The following FAM120AOS variants were observed in gnomAD, a reference collection of about 807,000 sequenced individuals.
FAM120AOS encodes the protein uncharacterized protein FAM120AOS.
Under a neutral mutation model 20.2 loss-of-function variants are expected in FAM120AOS, and 15 were observed. That is an observed-to-expected ratio of 0.74 (90% confidence interval 0.50 to 1.15). FAM120AOS has a LOEUF of 1.15. Among genes scored for constraint, FAM120AOS ranks in the 50% most tolerant of loss-of-function variants. FAM120AOS has a pLI of 0.00. For synonymous variants in FAM120AOS, 154 were observed against 154.0 expected (o/e 1.00, Z 0.00); for missense variants, 327 against 351.9 (o/e 0.93, Z 0.57).
At chr9:93,451,468 C>A (rs1178308047) in intron 1 of FAM120AOS, 2 of 1,118,872 alleles carry the variant, frequency 1.8e-6, no homozygotes, top group East Asian at 5.4e-5. Context: ...GGCCTCCAGG[C>A]GCTGCCTGCT....
chr9:93,452,258 G>A lies in FAM120AOS; in HGVS notation c.452C>T (p.Ser151Leu), dbSNP rs2131163672. 1 of 1,610,604 alleles carries A rather than the reference G, an allele frequency of 6.2e-7. No homozygotes were observed. The highest frequency in any genetic ancestry group is 8.5e-7 in the Non-Finnish European group (1 of 1,179,302). The change falls in exon 1 of 3, where the codon TCG becomes TTG. Residue 151 changes from serine (S) to leucine (L), a missense_variant. By Grantham distance (145) the Ser-to-Leu change is moderately radical (BLOSUM62 -2). Coordinates refer to ENST00000375412, the MANE Select transcript of FAM120AOS (RefSeq NM_198841.4). This position sits in a 1 kb window ranked among gnomAD's most constrained non-coding sequence, Gnocchi z 7.0. ...WLTICCAVWR[S>L]LPCRLTHSCS... is the part of the protein sequence containing the mutation. ...CGAGTGGGTCAAGCGGCAGGGCAAC[G>A]AGCGCCAGACGGCACAGCAGATCGT...
chr9:93,450,611 G>A lies in FAM120AOS; in HGVS notation c.564-12C>T, dbSNP rs768851148. On this transcript the variant is annotated splice_polypyrimidine_tract_variant and intron_variant, in intron 1 of 2. Coordinates refer to ENST00000375412, the MANE Select transcript of FAM120AOS (RefSeq NM_198841.4). ...CTCTACAGAGGTTTCTCCAAAAAAAGAACAAATGGAGAGATGAAGGTAAGT... is the reference window on the plus strand; with the variant it reads ...CTCTACAGAGGTTTCTCCAAAAAAAAAACAAATGGAGAGATGAAGGTAAGT... The A allele has an allele frequency of 6.2e-7, 1 of 1,604,318 alleles. No homozygotes were observed. Among genetic ancestry groups the A allele is most frequent in the South Asian group, 1.1e-5 (1 of 89,910 alleles).
In FAM120AOS at chr9:93,453,225, A is replaced by T; in HGVS notation, c.-516T>A. 1 of 997,808 alleles carries T rather than the reference A, an allele frequency of 1.0e-6. No individual in the cohort carries two copies. The highest frequency in any genetic ancestry group is 1.2e-6 in the Non-Finnish European group (1 of 838,678). 61.8% of individuals were successfully genotyped at this position (997,808 alleles called of 1,614,324 possible). ...TCGGGTGCACAGTAAGTATTCAGTG[A>T]CCTTCAGCGGTGCCCTGACGGGTGG... On this transcript the variant is annotated 5_prime_UTR_variant, in exon 1 of 3. Transcript: ENST00000375412.
intron 1 of FAM120AOS, chr9:93,451,582 T>A: frequency 2.0e-6 from 2 of 982,686 alleles, no homozygotes; most frequent in Non-Finnish European, 2.4e-6. Flanking sequence ...CGCCGCCTCT[T>A]CCGCCTGCTA....
At chr9:93,451,886 C>T (rs1321131997) in intron 1 of FAM120AOS, 4 of 1,230,038 alleles carry the variant, frequency 3.3e-6, no homozygotes, top group South Asian at 3.3e-5. Context: ...GCCCCCCGCC[C>T]GCACCCGCGC....
Position 93,447,224 on chromosome 9 carries a change from A to G in FAM120AOS, c.*387T>C, listed in dbSNP as rs1363016481. On this transcript the variant is annotated 3_prime_UTR_variant, in exon 3 of 3. Transcript: ENST00000375412. ...TGATCCCCTTTTCCTCTTTTTTTCT[A>G]TGCAAGTATCTATTTGTCTATATGT... 1 of 181,160 alleles carries G rather than the reference A, an allele frequency of 5.5e-6. No homozygotes were observed. Among genetic ancestry groups the G allele is most frequent in the African/African-American group, 2.4e-5 (1 of 42,392 alleles). The allele number at this position is 181,160 out of a possible 1,614,324, so 11.2% of individuals were successfully genotyped here. A position where few individuals can be genotyped will look rare whatever the true frequency, so the allele number is the denominator to read the frequency against.
Position 93,452,377 on chromosome 9 carries a change from C to T in FAM120AOS, c.333G>A (p.Lys111=). The T allele has an allele frequency of 1.9e-6, 3 of 1,609,056 alleles. No homozygotes were observed. The highest frequency in any genetic ancestry group is 2.5e-6 in the Non-Finnish European group (3 of 1,178,336). The change falls in exon 1 of 3, where the codon AAG becomes AAA. Residue 111 remains lysine, a synonymous_variant. Transcript: ENST00000375412. The surrounding 1 kb of genome is among the most constrained non-coding windows in gnomAD (Gnocchi z 7.0). ...ACTGCATCCGCCTGGCGCTCATCCG[C>T]TTCCACGTCAAGGTGAGGCCGGGGA... ...ARIPGLTLTW[K]RMSARRMQWA...
rs1857386586 is a variant in FAM120AOS, at chr9:93,453,518, T to A, written c.-809A>T. 1 of 985,428 alleles carries A rather than the reference T, an allele frequency of 1.0e-6. No individual in the cohort carries two copies. Among genetic ancestry groups the A allele is most frequent in the East Asian group, 1.1e-4 (1 of 8,814 alleles). 61.0% of individuals were successfully genotyped at this position (985,428 alleles called of 1,614,324 possible). ...TCCTTGAAACTGCTGGAGCTGAAAGTTTGTGAAATTCTGTCTTCGCGGTTG... is the reference window on the plus strand; with the variant it reads ...TCCTTGAAACTGCTGGAGCTGAAAGATTGTGAAATTCTGTCTTCGCGGTTG... On this transcript the variant is annotated 5_prime_UTR_variant, in exon 1 of 3. Transcript: ENST00000375412.
rs1358965994 is a variant in FAM120AOS, at chr9:93,445,495, G to A, written c.*2116C>T. 6.6e-6 allele frequency among the ~76,000 whole-genome samples: 1 copy of A among 151,134 alleles called. No individual in the cohort carries two copies. The highest frequency in any genetic ancestry group is 1.5e-5 in the Non-Finnish European group (1 of 67,896). On this transcript the variant is annotated 3_prime_UTR_variant, in exon 3 of 3. Transcript: ENST00000375412. ...GTGGGGTTCATTCATGTCATCAACA[G>A]CATCCCAGCTGTATTGTTAAAAGTA...
Position 93,452,353 on chromosome 9 carries a change from C to G in FAM120AOS, c.357G>C (p.Gln119His). The G allele has an allele frequency of 1.2e-6, 2 of 1,611,898 alleles. No homozygotes were observed. Among genetic ancestry groups the G allele is most frequent in the Non-Finnish European group, 8.5e-7 (1 of 1,179,508 alleles). The change falls in exon 1 of 3, where the codon CAG becomes CAC. Residue 119 changes from glutamine to histidine, a missense_variant. Gln to His is a conservative substitution (Grantham distance 24). Coordinates refer to ENST00000375412, the MANE Select transcript of FAM120AOS (RefSeq NM_198841.4). This position sits in a 1 kb window ranked among gnomAD's most constrained non-coding sequence, Gnocchi z 7.0. ...TWKRMSARRM[Q>H]WAMQTGGRNQ... ...TCCTGCCGCCCGTCTGCATGGCCCA[C>G]TGCATCCGCCTGGCGCTCATCCGCT... is the stretch of plus-strand genomic sequence containing the variant.
At position 93,452,408 on chromosome 9, in the gene FAM120AOS, G is replaced by A; in HGVS notation, c.302C>T (p.Ala101Val). 6.3e-7 allele frequency: 1 copy of A among 1,591,234 alleles called. No individual in the cohort carries two copies. The highest frequency in any genetic ancestry group is 8.5e-7 in the Non-Finnish European group (1 of 1,170,002). ...GVRRGPGPRP[A>V]RIPGLTLTWK... ...CGTCAAGGTGAGGCCGGGGATCCGGGCGGGCCGGGGACCGGGGCCGCGCCG... is the reference window on the plus strand; with the variant it reads ...CGTCAAGGTGAGGCCGGGGATCCGGACGGGCCGGGGACCGGGGCCGCGCCG... The change falls in exon 1 of 3, where the codon GCC (alanine) becomes GTC (valine). Residue 101 changes from alanine (A) to valine (V), a missense_variant. Ala to Val is a moderately conservative substitution (Grantham distance 64, BLOSUM62 0). Around this residue, in one of 3 missense-constraint regions of FAM120AOS, gnomAD observed 86 missense variants for 140.2 expected, o/e 0.61. Coordinates refer to ENST00000375412, the MANE Select transcript of FAM120AOS (RefSeq NM_198841.4). The surrounding 1 kb of genome is among the most constrained non-coding windows in gnomAD (Gnocchi z 7.0).
rs754357428 is a variant in FAM120AOS, at chr9:93,450,569, TC to T, written c.593del (p.Arg198HisfsTer29). ...RNLCRGAGCNRQAVAGQLLPS... is the reference protein window; with the variant it reads ...RNLCRGAGCNXQAVAGQLLPS... ...GCAGCAGCTGTCCGGCCACAGCCTGTCGGTTGCATCCTGCTCCTCTACAGAG... is the reference window on the plus strand; with the variant it reads ...GCAGCAGCTGTCCGGCCACAGCCTGTGGTTGCATCCTGCTCCTCTACAGAG... On this transcript the variant is annotated frameshift_variant, in exon 2 of 3. Transcript: ENST00000375412. LOFTEE classifies it high-confidence loss of function. 9 of 1,606,864 alleles carry T rather than the reference TC, an allele frequency of 5.6e-6. No homozygotes were observed. In the East Asian group the frequency reaches 2.0e-4, roughly 36 times the overall value.
chr9:93,452,488 G>A lies in FAM120AOS; in HGVS notation c.222C>T (p.Pro74=), dbSNP rs777708984. 2.3e-5 allele frequency: 36 copies of A among 1,544,096 alleles called. No homozygotes were observed. The highest frequency in any genetic ancestry group is 3.0e-5 in the Non-Finnish European group (34 of 1,149,542). Residue 74 remains proline, a synonymous_variant, in exon 1 of 3, where the codon CCC becomes CCT. Coordinates refer to ENST00000375412, the MANE Select transcript of FAM120AOS (RefSeq NM_198841.4). This position sits in a 1 kb window ranked among gnomAD's most constrained non-coding sequence, Gnocchi z 7.0. ...SRARAGGTRC[P]QRRHGRATFC... ...ATGTCGCCCGGCCGTGGCGGCGCTGGGGGCAGCGAGTTCCCCCAGCCCTTG... is the reference window on the plus strand; with the variant it reads ...ATGTCGCCCGGCCGTGGCGGCGCTGAGGGCAGCGAGTTCCCCCAGCCCTTG...
chr9:93,450,760 G>GA (rs1857113496), intron 1 of FAM120AOS, 161 bp from the exon 2 acceptor site: 2 of 1,202,484 alleles, frequency 1.7e-6, no homozygotes, highest in South Asian at 2.6e-5. Flanking sequence ...CCTCATTTTA[G>GA]AAGCAGTTAC....
rs1297388605 is a variant in FAM120AOS, at chr9:93,446,920, AGG to A, written c.*689_*690del. ...AAACTCTAAGAACCTATGAAGCGCC[AGG>A]GCAGTGCTGGTTGCTTTCACCCATA... On this transcript the variant is annotated 3_prime_UTR_variant, in exon 3 of 3. Transcript: ENST00000375412. 4 of 152,266 alleles carry A rather than the reference AGG, an allele frequency of 2.6e-5. No individual in the cohort carries two copies. Among genetic ancestry groups the A allele is most frequent in the Non-Finnish European group, 4.4e-5 (3 of 68,056 alleles). 9.4% of individuals were successfully genotyped at this position (152,266 alleles called of 1,614,324 possible). A position where few individuals can be genotyped will look rare whatever the true frequency, so the allele number is the denominator to read the frequency against.
intron 1 of FAM120AOS, chr9:93,451,404 G>A: frequency 7.3e-7 from 1 of 1,366,336 alleles, no homozygotes; most frequent in Non-Finnish European, 9.5e-7. Flanking sequence ...CCGGGAACAG[G>A]GCGCAGGGGA....
intron 2 of FAM120AOS, among the ~76,000 whole-genome samples, chr9:93,449,492 A>ATTT (rs10667664): frequency 0.032 from 3,518 of 109,370 alleles, 276 homozygotes; most frequent in African/African-American, 0.056. Flanking sequence ...TGGCACTGGC[A>ATTT]TTTTTTTTTT....
chr9:93,450,867 G>A, intron 1 of FAM120AOS: 1 of 912,680 alleles, frequency 1.1e-6, no homozygotes. Flanking sequence ...GAAGAGCTGG[G>A]AGATCCACTG....
intron 2 of FAM120AOS, among the ~76,000 whole-genome samples, chr9:93,449,491 C>CCTTTT (rs1170832126): frequency 1.5e-5 from 1 of 66,180 alleles, no homozygotes; most frequent in Non-Finnish European, 3.0e-5. Flanking sequence ...CTGGCACTGG[C>CCTTTT]ATTTTTTTTT....
Sources: allele counts gnomAD v4.1 joint callset (sites outside exome capture counted in the v4.1 genomes callset), GRCh38; gene constraint gnomAD v4.1.1; regional missense constraint gnomAD v4.1.1; non-coding constraint Gnocchi (gnomAD v3.1); transcripts MANE v1.5; gene names NCBI Gene and HGNC (gene_info 2026-07-23, HGNC 2026-07-21).